AOAH: variants seen among roughly 807,000 people sequenced by gnomAD.
The protein encoded by AOAH is acyloxyacyl hydrolase (neutrophil).
Under a neutral mutation model 92.2 loss-of-function variants are expected in AOAH, and 64 were observed. The ratio of observed to expected loss-of-function variants is 0.69; its 90% CI spans 0.57 to 0.86. The LOEUF (loss-of-function observed/expected upper bound fraction) is 0.86. AOAH is among the 40% of genes least tolerant of loss of function. The pLI is 0.00. For synonymous variants in AOAH, 263 were observed against 254.5 expected (o/e 1.03, Z -0.32); for missense variants, 656 against 694.6 (o/e 0.94, Z 0.62).
rs1026268078 is a variant in AOAH, at chr7:36,522,155, A to C, written c.1523-40T>G. On this transcript the variant is annotated intron_variant, in intron 19 of 20. Coordinates refer to ENST00000617537, the MANE Select transcript of AOAH (RefSeq NM_001637.4). The stretch of plus-strand genomic sequence containing the variant: ...ACGAGAGGGTTACAGACACACTTGC[A>C]CAAGCAACGGCCAATATCCAAGGAC... 3 of 1,592,536 alleles carry C rather than the reference A, an allele frequency of 1.9e-6. No individual in the cohort carries two copies. In the African/African-American group the frequency reaches 4.0e-5, roughly 21 times the overall value.
intron 11 of AOAH, among the ~76,000 whole-genome samples, chr7:36,613,954 C>T (rs903159963): frequency 3.9e-5 from 6 of 152,124 alleles, no homozygotes; most frequent in Admixed American, 3.9e-4. Flanking sequence ...CTATGCTTGC[C>T]CAGTGTGGGG....
At chr7:36,681,556 G>C (rs1048982560) in intron 2 of AOAH, among the ~76,000 whole-genome samples, 5 of 152,160 alleles carry the variant, frequency 3.3e-5, no homozygotes, top group African/African-American at 1.2e-4. Context: ...TGTAATCCCA[G>C]CACTTTGGGA....
chr7:36,546,045 C>T (rs969866131), intron 15 of AOAH, among the ~76,000 whole-genome samples: 1 of 152,190 alleles, frequency 6.6e-6, no homozygotes, highest in African/African-American at 2.4e-5. Flanking sequence ...TCAAATTGAG[C>T]AGGGTTACAA....
chr7:36,623,926 A>C (rs1792457778), intron 6 of AOAH, among the ~76,000 whole-genome samples: 1 of 152,208 alleles, frequency 6.6e-6, no homozygotes, highest in Non-Finnish European at 1.5e-5. Flanking sequence ...ATGAGGCAGG[A>C]AAATAGGGTC....
intron 4 of AOAH, among the ~76,000 whole-genome samples, chr7:36,644,131 A>G (rs1794086733): frequency 6.6e-6 from 1 of 152,184 alleles, no homozygotes; most frequent in Non-Finnish European, 1.5e-5. Context: ...TGTAATTAGA[A>G]AACAGTTTAG....
At chr7:36,678,592 T>C (rs879431006) in intron 2 of AOAH, among the ~76,000 whole-genome samples, 13,646 of 108,164 alleles carry the variant, frequency 0.13, 756 homozygotes, top group African/African-American at 0.17. Flanking sequence ...TGTGTGTGTG[T>C]GTGTGTGTGC....
intron 16 of AOAH, among the ~76,000 whole-genome samples, chr7:36,539,030 G>A (rs1383307603): frequency 6.6e-6 from 1 of 152,330 alleles, no homozygotes. Flanking sequence ...AATTTCCTGA[G>A]GGAGAAGTGG....
intron 18 of AOAH, among the ~76,000 whole-genome samples, chr7:36,531,549 T>C (rs1784690875): frequency 1.3e-5 from 2 of 152,268 alleles, no homozygotes; most frequent in South Asian, 4.2e-4. Flanking sequence ...GGTTTCATCA[T>C]GTTGATCAGG....
chr7:36,704,240 T>C (rs1798243594), intron 1 of AOAH, among the ~76,000 whole-genome samples: 1 of 152,206 alleles, frequency 6.6e-6, no homozygotes. Flanking sequence ...TCCTTGTAGA[T>C]TCTGGATGTT....
At chr7:36,622,733 A>G (rs982870923) in intron 7 of AOAH, among the ~76,000 whole-genome samples, 3 of 152,238 alleles carry the variant, frequency 2.0e-5, no homozygotes, top group African/African-American at 7.2e-5. Flanking sequence ...TATCATCACA[A>G]TGCTACAAAA....
At chr7:36,659,095 C>T in intron 4 of AOAH, 71 bp downstream of exon 4, 2 of 1,286,912 alleles carry the variant, frequency 1.6e-6, no homozygotes, top group Admixed American at 1.7e-5. Flanking sequence ...AAAGCTAAGC[C>T]TCCCTTTCTA....
chr7:36,581,994 T>A (rs1203292508), intron 12 of AOAH, among the ~76,000 whole-genome samples: 1 of 152,206 alleles, frequency 6.6e-6, no homozygotes, highest in Non-Finnish European at 1.5e-5. Context: ...AATATTTTGA[T>A]ATGCCTGCAA....
chr7:36,528,251 G>A (rs537056362), intron 19 of AOAH, among the ~76,000 whole-genome samples: 7 of 152,326 alleles, frequency 4.6e-5, no homozygotes, highest in African/African-American at 1.4e-4. Context: ...GATGGGAATC[G>A]CCAAGCATGG....
chr7:36,532,412 G>C, intron 16 of AOAH, 68 bp from the exon 17 acceptor site: 1 of 1,443,432 alleles, frequency 6.9e-7, no homozygotes. Flanking sequence ...GCACCTGGGG[G>C]CTTCCCTGCC....
intron 20 of AOAH, chr7:36,514,569 CT>C (rs1790229571): frequency 6.5e-7 from 1 of 1,535,758 alleles, no homozygotes; most frequent in Non-Finnish European, 8.7e-7. Flanking sequence ...ATTAATATGC[CT>C]TTGAGGAGGA....
chr7:36,597,495 A>G (rs961705143), intron 11 of AOAH, among the ~76,000 whole-genome samples: 1 of 152,206 alleles, frequency 6.6e-6, no homozygotes, highest in African/African-American at 2.4e-5. Flanking sequence ...AACTCACAAG[A>G]TATGTTTAGC....
chr7:36,703,931 G>A (rs1362068040), intron 1 of AOAH, among the ~76,000 whole-genome samples: 1 of 152,128 alleles, frequency 6.6e-6, no homozygotes, highest in Non-Finnish European at 1.5e-5. Flanking sequence ...CACCAACAGT[G>A]TAAAAGCGTT....
chr7:36,636,302 G>A (rs144463215), intron 5 of AOAH, among the ~76,000 whole-genome samples: 5 of 151,812 alleles, frequency 3.3e-5, no homozygotes, highest in South Asian at 4.2e-4. Context: ...TTCACTTCTC[G>A]CGAGTAATTG....
Position 36,594,339 on chromosome 7 carries a change from C to T in AOAH, c.938G>A (p.Gly313Glu). The change falls in exon 12 of 21, where the codon GGA becomes GAA. Residue 313 changes from glycine (G) to glutamate (E), a missense_variant and splice_region_variant. Physicochemically the swap from Gly to Glu is moderately conservative, Grantham distance 98. Coordinates refer to ENST00000617537, the MANE Select transcript of AOAH (RefSeq NM_001637.4). Reference protein sequence around the residue: ...GATGFLDSTVGIKEKSIYLRL... With the variant: ...GATGFLDSTVEIKEKSIYLRL... ...TCTGAGGGTGCACAAAGACACTTAC[C>T]CAACAGTGGAGTCCAGAAATCCTGT... is the stretch of plus-strand genomic sequence containing the variant. The T allele has an allele frequency of 1.9e-6, 3 of 1,612,532 alleles. No individual in the cohort carries two copies. The highest frequency in any genetic ancestry group is 2.2e-5 in the South Asian group (2 of 91,040).
Sources: allele counts gnomAD v4.1 joint callset (sites outside exome capture counted in the v4.1 genomes callset), GRCh38; gene constraint gnomAD v4.1.1; transcripts MANE v1.5; gene names NCBI Gene and HGNC (gene_info 2026-07-23, HGNC 2026-07-21).